CENPH: variants seen among roughly 807,000 people sequenced by gnomAD.
CENPH encodes the protein centromere protein H.
CENPH carries 40 observed loss-of-function variants against 42.9 expected under a neutral mutation model. The observed-to-expected ratio is 0.93, with a 90% CI of 0.72 to 1.21. The LOEUF is 1.21. Ranked by LOEUF, CENPH falls within the 50% of genes most tolerant of loss-of-function variation. CENPH has a pLI of 0.00. For synonymous variants in CENPH, 88 were observed against 96.5 expected (o/e 0.91, Z 0.52); for missense variants, 302 against 292.9 (o/e 1.03, Z -0.23).
At chr5:69,189,853 A>T in intron 1 of CENPH, 85 bp downstream of exon 1, 3 of 1,375,336 alleles carry the variant, frequency 2.2e-6, no homozygotes, top group Non-Finnish European at 2.8e-6. Context: ...CTAGGGTTCG[A>T]ATTCACGCTC....
intron 7 of CENPH, 197 bp from the exon 8 acceptor site, chr5:69,207,999 G>C: frequency 2.8e-6 from 1 of 362,586 alleles, no homozygotes; most frequent in Non-Finnish European, 5.0e-6. Context: ...GCATTGCTAA[G>C]TACGAAATTA....
intron 5 of CENPH, 161 bp downstream of exon 5, chr5:69,197,270 A>G (rs2112085789): frequency 4.4e-6 from 2 of 451,080 alleles, no homozygotes; most frequent in Middle Eastern, 4.0e-4. Flanking sequence ...AGCAACTTTT[A>G]TAGTTCTAAT....
At chr5:69,189,886 T>C in intron 1 of CENPH, 118 bp downstream of exon 1, 1 of 1,151,592 alleles carries the variant, frequency 8.7e-7, no homozygotes. Context: ...TCTCCGTGAT[T>C]GCCTCATTCA....
intron 5 of CENPH, among the ~76,000 whole-genome samples, chr5:69,197,785 TA>T (rs1357854548): frequency 6.7e-6 from 1 of 149,602 alleles, no homozygotes; most frequent in Admixed American, 6.7e-5. Context: ...ACATGTACCT[TA>T]AAACTTAAAG....
rs144253123 is a variant in CENPH, at chr5:69,196,983, G to A, written c.315-70G>A. 1.1e-5 allele frequency: 11 copies of A among 959,852 alleles called. No individual in the cohort carries two copies. In the Admixed American group the frequency reaches 2.7e-4, roughly 24 times the overall value. 59.5% of individuals were successfully genotyped at this position (959,852 alleles called of 1,614,324 possible). ...TTGAAGGGAAATCAATCTTTTTCAT[G>A]TTTTGAATTTTTTTAATGTACCACA... is the stretch of plus-strand genomic sequence containing the variant. On this transcript the variant is annotated intron_variant, in intron 4 of 8. Transcript: ENST00000283006.
chr5:69,198,750 T>C (rs1748008234), intron 5 of CENPH, among the ~76,000 whole-genome samples: 2 of 151,884 alleles, frequency 1.3e-5, no homozygotes, highest in African/African-American at 4.8e-5. Context: ...CTGGGCAACA[T>C]AGGGAGGCCT....
At chr5:69,191,666 G>GAGTTTAA (rs1210984527) in intron 1 of CENPH, 129 bp from the exon 2 acceptor site, 2 of 603,670 alleles carry the variant, frequency 3.3e-6, no homozygotes, top group African/African-American at 3.9e-5. Flanking sequence ...TTGTAATTAG[G>GAGTTTAA]AGTTTAATTA....
intron 2 of CENPH, among the ~76,000 whole-genome samples, chr5:69,192,061 A>G (rs901895678): frequency 2.2e-4 from 34 of 151,826 alleles, no homozygotes; most frequent in African/African-American, 8.2e-4. Context: ...AATTTTCTGT[A>G]TTTTTTTTGT....
At chr5:69,205,690 T>C (rs1315543834) in intron 7 of CENPH, among the ~76,000 whole-genome samples, 1 of 150,596 alleles carries the variant, frequency 6.6e-6, no homozygotes, top group Non-Finnish European at 1.5e-5. Context: ...ATTGTTTTTT[T>C]TCTGTAGATA....
At chr5:69,204,605 T>C (rs1408241453) in intron 7 of CENPH, among the ~76,000 whole-genome samples, 4 of 125,590 alleles carry the variant, frequency 3.2e-5, no homozygotes, top group African/African-American at 6.1e-5. Flanking sequence ...TTCTTTTTTT[T>C]TTTTTTTTTT....
At position 69,210,077 on chromosome 5, in the gene CENPH, C is replaced by T; in HGVS notation, c.*278C>T. On this transcript the variant is annotated 3_prime_UTR_variant, in exon 9 of 9. Transcript: ENST00000283006. ...AGGGCAGTGGCGCGATCTCGGCTCA[C>T]TGCAACCTCTGCCTCCCGGGTTCAA... is the stretch of plus-strand genomic sequence containing the variant. 4.9e-6 allele frequency: 1 copy of T among 202,168 alleles called. No individual in the cohort carries two copies. Among genetic ancestry groups the T allele is most frequent in the African/African-American group, 2.3e-5 (1 of 42,686 alleles). The allele number at this position is 202,168 out of a possible 1,614,324, so 12.5% of individuals were successfully genotyped here.
intron 5 of CENPH, among the ~76,000 whole-genome samples, chr5:69,200,625 T>G (rs1976101): frequency 0.28 from 41,978 of 151,630 alleles, 6,424 homozygotes; most frequent in East Asian, 0.39. Context: ...TAGTTGCTTC[T>G]ACAGTGTTTT....
chr5:69,209,444 A>C (rs1225154806), intron 8 of CENPH, among the ~76,000 whole-genome samples: 1 of 152,040 alleles, frequency 6.6e-6, no homozygotes, highest in Non-Finnish European at 1.5e-5. Flanking sequence ...AGGCTGAGGC[A>C]GGAGAGTTGC....
At chr5:69,198,030 C>T (rs1747994869) in intron 5 of CENPH, among the ~76,000 whole-genome samples, 1 of 149,940 alleles carries the variant, frequency 6.7e-6, no homozygotes, top group African/African-American at 2.5e-5. Flanking sequence ...ACGCCATTCT[C>T]CTGCCTCAGC....
At chr5:69,208,720 T>A (rs1371636019) in intron 8 of CENPH, among the ~76,000 whole-genome samples, 1 of 152,230 alleles carries the variant, frequency 6.6e-6, no homozygotes, top group Non-Finnish European at 1.5e-5. Flanking sequence ...TTGATCTTGA[T>A]GAAATAATTC....
intron 2 of CENPH, among the ~76,000 whole-genome samples, chr5:69,192,226 A>T (rs181649739): frequency 2.6e-5 from 4 of 152,322 alleles, no homozygotes; most frequent in African/African-American, 9.6e-5. Flanking sequence ...ATATTTATGA[A>T]GTATGCTAAG....
At chr5:69,190,587 A>G in intron 1 of CENPH, among the ~76,000 whole-genome samples, 1 of 152,224 alleles carries the variant, frequency 6.6e-6, no homozygotes, top group Non-Finnish European at 1.5e-5. Flanking sequence ...AGTTTTAAAA[A>G]AATCATTATT....
intron 2 of CENPH, among the ~76,000 whole-genome samples, chr5:69,193,516 C>A (rs1747913453): frequency 6.6e-6 from 1 of 151,846 alleles, no homozygotes; most frequent in Admixed American, 6.6e-5. Flanking sequence ...TCCCACCCAG[C>A]TGAGGTGGGA....
chr5:69,196,466 A>G (rs1747965902), intron 4 of CENPH, among the ~76,000 whole-genome samples: 1 of 152,258 alleles, frequency 6.6e-6, no homozygotes, highest in African/African-American at 2.4e-5. Context: ...CCAACAATGC[A>G]AAACCCTGTC....
Sources: allele counts gnomAD v4.1 joint callset (sites outside exome capture counted in the v4.1 genomes callset), GRCh38; gene constraint gnomAD v4.1.1; transcripts MANE v1.5; gene names NCBI Gene and HGNC (gene_info 2026-07-23, HGNC 2026-07-21).